FHIT: variants seen among roughly 807,000 people sequenced by gnomAD.
The protein encoded by FHIT is bis(5'-adenosyl)-triphosphatase.
A neutral mutation model predicts 17.9 loss-of-function variants in FHIT; 19 were observed. The ratio of observed to expected loss-of-function variants is 1.06; its 90% confidence interval spans 0.74 to 1.56. The LOEUF is 1.56. FHIT is among the 40% of genes most tolerant of loss of function. The pLI is 0.00. For synonymous variants in FHIT, 81 were observed against 69.7 expected (o/e 1.16, Z -0.81); for missense variants, 248 against 189.2 (o/e 1.31, Z -1.82).
chr3:60,188,708 A>T (rs1702271040), intron 5 of FHIT, among the ~76,000 whole-genome samples: 1 of 152,176 alleles, frequency 6.6e-6, no homozygotes, highest in Non-Finnish European at 1.5e-5. Flanking sequence ...ACAAACATTG[A>T]ATCTATTTCT....
intron 1 of FHIT, among the ~76,000 whole-genome samples, chr3:61,219,176 A>T (rs1370984907): frequency 1.3e-5 from 2 of 152,188 alleles, no homozygotes; most frequent in African/African-American, 4.8e-5. Context: ...GTATGGTAAA[A>T]ATATAGTATT....
intron 5 of FHIT, among the ~76,000 whole-genome samples, chr3:60,453,122 A>G (rs1461647753): frequency 6.6e-6 from 1 of 152,194 alleles, no homozygotes; most frequent in African/African-American, 2.4e-5. Flanking sequence ...GCCAAATTAC[A>G]GTAACAGAGT....
chr3:60,915,564 A>G (rs1274013115), intron 3 of FHIT, among the ~76,000 whole-genome samples: 16 of 152,170 alleles, frequency 1.1e-4, no homozygotes, highest in African/African-American at 3.4e-4. Context: ...GACAGGAAGG[A>G]TAGAAGCATT....
intron 5 of FHIT, among the ~76,000 whole-genome samples, chr3:60,214,381 A>G (rs1703598869): frequency 6.6e-6 from 1 of 152,186 alleles, no homozygotes; most frequent in African/African-American, 2.4e-5. Flanking sequence ...GCTTTTTAAA[A>G]AAAACTAAAA....
intron 8 of FHIT, among the ~76,000 whole-genome samples, chr3:59,864,908 A>C (rs1386443664): frequency 1.3e-5 from 2 of 151,854 alleles, no homozygotes; most frequent in Non-Finnish European, 2.9e-5. Context: ...TAATCTCCAG[A>C]GCAGTTCCTA....
chr3:60,285,311 A>C (rs1486332760), intron 5 of FHIT, among the ~76,000 whole-genome samples: 2 of 152,324 alleles, frequency 1.3e-5, no homozygotes, highest in Middle Eastern at 3.4e-3. Context: ...AATTAACTCA[A>C]GTAAGGCATA....
At chr3:61,035,600 T>C (rs17064336) in intron 3 of FHIT, among the ~76,000 whole-genome samples, 1,998 of 152,340 alleles carry the variant, frequency 0.013, 46 homozygotes, top group African/African-American at 0.045. Flanking sequence ...CTGCATCTAA[T>C]TAGCTGGTAA....
intron 8 of FHIT, among the ~76,000 whole-genome samples, chr3:59,918,879 T>C (rs1705268276): frequency 2.6e-5 from 4 of 152,018 alleles, no homozygotes; most frequent in Admixed American, 1.3e-4. Flanking sequence ...AAAACACATG[T>C]GAAGAGGCAA....
At chr3:60,381,944 C>T (rs565785773) in intron 5 of FHIT, among the ~76,000 whole-genome samples, 16 of 150,038 alleles carry the variant, frequency 1.1e-4, no homozygotes, top group Non-Finnish European at 1.9e-4. Flanking sequence ...TAGGTGGTAA[C>T]TACAAGTAGG....
intron 3 of FHIT, among the ~76,000 whole-genome samples, chr3:60,984,976 G>C (rs1710658188): frequency 6.6e-6 from 1 of 152,138 alleles, no homozygotes; most frequent in Non-Finnish European, 1.5e-5. Context: ...CAGGATGGCA[G>C]AGATTAGTAC....
At chr3:60,378,343 A>C (rs761326130) in intron 5 of FHIT, among the ~76,000 whole-genome samples, 1 of 152,216 alleles carries the variant, frequency 6.6e-6, no homozygotes, top group Non-Finnish European at 1.5e-5. Flanking sequence ...GAAGAGTGAC[A>C]GAAAAGCCAA....
intron 5 of FHIT, among the ~76,000 whole-genome samples, chr3:60,533,713 G>A (rs754734714): frequency 5.9e-5 from 9 of 152,174 alleles, no homozygotes; most frequent in Non-Finnish European, 1.3e-4. Flanking sequence ...GTATAGTAAA[G>A]GGATAGTACA....
intron 8 of FHIT, among the ~76,000 whole-genome samples, chr3:59,835,963 T>C (rs573811236): frequency 6.6e-6 from 1 of 152,234 alleles, no homozygotes; most frequent in African/African-American, 2.4e-5. Context: ...AGGGGATGGT[T>C]CCCAAATGGC....
At chr3:59,878,300 TGA>T (rs140701238) in intron 8 of FHIT, among the ~76,000 whole-genome samples, 3,394 of 152,318 alleles carry the variant, frequency 0.022, 48 homozygotes, top group South Asian at 0.064. Flanking sequence ...CGTGTGTGTG[TGA>T]GTCATAAGAC....
intron 5 of FHIT, among the ~76,000 whole-genome samples, chr3:60,250,490 T>C (rs1182739281): frequency 6.6e-6 from 1 of 152,154 alleles, no homozygotes; most frequent in Non-Finnish European, 1.5e-5. Flanking sequence ...GGGTGACTTG[T>C]TAGCAAAGTT....
intron 5 of FHIT, among the ~76,000 whole-genome samples, chr3:60,283,563 G>T (rs1216380902): frequency 6.6e-6 from 1 of 152,040 alleles, no homozygotes; most frequent in Non-Finnish European, 1.5e-5. Flanking sequence ...AAAAAGAATT[G>T]ATCCACTAGG....
intron 5 of FHIT, among the ~76,000 whole-genome samples, chr3:60,391,940 T>TC (rs929019080): frequency 6.7e-6 from 1 of 150,158 alleles, no homozygotes; most frequent in African/African-American, 2.4e-5. Context: ...CTTCTTTTTT[T>TC]CTTTTTTTAA....
chr3:61,105,358 A>G (rs561310395), intron 2 of FHIT, among the ~76,000 whole-genome samples: 1 of 152,096 alleles, frequency 6.6e-6, no homozygotes, highest in South Asian at 2.1e-4. Flanking sequence ...CTTCCAACTC[A>G]TGGACTGTGT....
chr3:60,258,065 T>TACAC (rs67553597), intron 5 of FHIT, among the ~76,000 whole-genome samples: 21,837 of 144,362 alleles, frequency 0.15, 1,918 homozygotes, highest in Non-Finnish European at 0.2. Context: ...GGAAATTAAA[T>TACAC]ACACACACAC....
Sources: gnomAD v4.1 joint callset for allele counts (sites outside exome capture counted in the v4.1 genomes callset) on GRCh38, gnomAD v4.1.1 for gene constraint, MANE v1.5 for transcripts, NCBI Gene and HGNC (gene_info 2026-07-23, HGNC 2026-07-21) for gene names.